The following CACNA2D3 variants were observed in gnomAD, a reference collection of about 807,000 sequenced individuals.
CACNA2D3 encodes the protein calcium voltage-gated channel auxiliary subunit alpha2delta 3, also known as voltage-dependent calcium channel subunit alpha-2/delta-3.
Under a neutral mutation model 160.6 loss-of-function variants are expected in CACNA2D3, and 60 were observed. The ratio of observed to expected loss-of-function variants is 0.37; its 90% CI spans 0.30 to 0.46. The LOEUF is 0.46. Among genes scored for constraint, CACNA2D3 ranks in the 20% least tolerant of loss-of-function variants. The pLI is 1.00. For synonymous variants in CACNA2D3, 558 were observed against 492.9 expected, an observed-to-expected ratio of 1.13 and a Z score of -1.75; for missense variants, 1,205 against 1,365.0, an observed-to-expected ratio of 0.88 and a Z score of 1.85.
chr3:54,950,945 G>T (rs1162677350), intron 27 of CACNA2D3, among the ~76,000 whole-genome samples: 3 of 152,168 alleles, frequency 2.0e-5, no homozygotes, highest in African/African-American at 7.2e-5. Flanking sequence ...AGTGGCAGAG[G>T]GGAAACTGAA....
rs753322215 is a variant in CACNA2D3 at position 54,879,047 on chromosome 3, G to A, written c.1740G>A (p.Thr580=). The A allele has an allele frequency of 2.3e-5, 37 of 1,605,652 alleles. 1 individual carries two copies. In the South Asian group the frequency reaches 2.5e-4, roughly 11 times the overall value. Reference sequence around the variant, plus strand: ...GAAATGCTATGGTGAATCGAAAGACGGGGAAGTTTTCCATGGAGGTGAAGA... The same window carrying A: ...GAAATGCTATGGTGAATCGAAAGACAGGGAAGTTTTCCATGGAGGTGAAGA... ...VLRNAMVNRK[T]GKFSMEVKKT... is the part of the protein sequence containing the mutation. Residue 580 remains threonine, a synonymous_variant, in exon 19 of 38, where the codon ACG becomes ACA. Transcript: ENST00000474759.
chr3:54,521,938 A>C (rs1182616975), intron 5 of CACNA2D3, among the ~76,000 whole-genome samples: 1 of 152,126 alleles, frequency 6.6e-6, no homozygotes, highest in African/African-American at 2.4e-5. Context: ...CCTGATTCTT[A>C]TTATTTTGTA....
chr3:54,376,663 C>G (rs1699017730), intron 3 of CACNA2D3, among the ~76,000 whole-genome samples: 1 of 152,138 alleles, frequency 6.6e-6, no homozygotes, highest in Admixed American at 6.5e-5. Flanking sequence ...TGCGTCAGCC[C>G]TTAGTGTAAT....
chr3:54,448,547 G>C, intron 4 of CACNA2D3, among the ~76,000 whole-genome samples: 1 of 152,178 alleles, frequency 6.6e-6, no homozygotes, highest in East Asian at 1.9e-4. Flanking sequence ...AAACAGAGGT[G>C]GGGTGAGGGA....
intron 2 of CACNA2D3, among the ~76,000 whole-genome samples, chr3:54,157,054 G>C (rs144661343): frequency 7.7e-4 from 118 of 152,336 alleles, no homozygotes; most frequent in African/African-American, 2.7e-3. Context: ...TTCTCTCACA[G>C]TTCTGGAGGC....
intron 11 of CACNA2D3, among the ~76,000 whole-genome samples, chr3:54,725,517 A>G (rs1701259630): frequency 6.6e-6 from 1 of 152,214 alleles, no homozygotes; most frequent in South Asian, 2.1e-4. Context: ...ATCTTCAATA[A>G]AAAACTGGCA....
intron 4 of CACNA2D3, among the ~76,000 whole-genome samples, chr3:54,432,348 C>T (rs903016547): frequency 3.9e-5 from 6 of 152,062 alleles, no homozygotes; most frequent in Admixed American, 6.5e-5. Flanking sequence ...TCAGATCTCT[C>T]GACTCACTGT....
intron 4 of CACNA2D3, among the ~76,000 whole-genome samples, chr3:54,490,235 G>T (rs370264072): frequency 2.0e-5 from 3 of 152,180 alleles, no homozygotes; most frequent in Non-Finnish European, 2.9e-5. Flanking sequence ...TATCCCATTC[G>T]ATCACAGAAA....
chr3:54,677,624 G>T (rs1454507556), intron 11 of CACNA2D3, among the ~76,000 whole-genome samples: 19 of 149,886 alleles, frequency 1.3e-4, no homozygotes, highest in South Asian at 8.4e-4. Context: ...TTTTTTTGGG[G>T]GGGGGGCAAC....
chr3:54,875,024 C>T (rs1175502588), intron 18 of CACNA2D3: 1 of 152,160 alleles, frequency 6.6e-6, no homozygotes, highest in Non-Finnish European at 1.5e-5. Context: ...CTACTACCCT[C>T]TAGGCAACTA....
At chr3:54,194,728 G>A (rs1350556194) in intron 2 of CACNA2D3, among the ~76,000 whole-genome samples, 1 of 152,208 alleles carries the variant, frequency 6.6e-6, no homozygotes, top group Admixed American at 6.5e-5. Context: ...CACTGACTAG[G>A]TGTCCTCACA....
At chr3:54,818,578 A>G (rs1215885436) in intron 14 of CACNA2D3, among the ~76,000 whole-genome samples, 3 of 152,350 alleles carry the variant, frequency 2.0e-5, no homozygotes, top group East Asian at 3.9e-4. Flanking sequence ...ACTTCATTGC[A>G]TTCACTTCTT....
chr3:55,001,180 T>A (rs1702973376), intron 31 of CACNA2D3, among the ~76,000 whole-genome samples: 1 of 152,214 alleles, frequency 6.6e-6, no homozygotes, highest in Non-Finnish European at 1.5e-5. Flanking sequence ...AGTTCCTGCA[T>A]CATCGCTTGG....
chr3:54,295,236 G>A (rs56034762), intron 2 of CACNA2D3, among the ~76,000 whole-genome samples: 33,302 of 151,946 alleles, frequency 0.22, 3,803 homozygotes, highest in South Asian at 0.34. Context: ...GATTCAAGAG[G>A]GTAGACATGA....
chr3:54,292,338 A>T (rs974263223), intron 2 of CACNA2D3, among the ~76,000 whole-genome samples: 1 of 152,224 alleles, frequency 6.6e-6, no homozygotes, highest in Non-Finnish European at 1.5e-5. Flanking sequence ...ATTGGACTTC[A>T]TAGAAATTAA....
At chr3:54,757,845 A>G (rs184538082) in intron 12 of CACNA2D3, among the ~76,000 whole-genome samples, 1 of 152,240 alleles carries the variant, frequency 6.6e-6, no homozygotes, top group East Asian at 1.9e-4. Context: ...ACCAGCCAGC[A>G]GGCGGTAGAG....
chr3:54,723,866 A>T (rs2106994812), intron 11 of CACNA2D3, among the ~76,000 whole-genome samples: 1 of 152,326 alleles, frequency 6.6e-6, no homozygotes, highest in East Asian at 1.9e-4. Flanking sequence ...ATCAACTAAC[A>T]GACAAAACAA....
chr3:54,461,555 T>C (rs975098468), intron 4 of CACNA2D3, among the ~76,000 whole-genome samples: 5 of 151,738 alleles, frequency 3.3e-5, no homozygotes, highest in South Asian at 4.2e-4. Flanking sequence ...TTTTCTAGTT[T>C]ATTTGCATAG....
At chr3:54,139,175 G>A (rs915443308) in intron 2 of CACNA2D3, among the ~76,000 whole-genome samples, 1 of 152,226 alleles carries the variant, frequency 6.6e-6, no homozygotes, top group African/African-American at 2.4e-5. Context: ...TCATTTCCTG[G>A]TGCGTTCCAC....
Sources: allele counts gnomAD v4.1 joint callset (sites outside exome capture counted in the v4.1 genomes callset), GRCh38; gene constraint gnomAD v4.1.1; transcripts MANE v1.5; gene names NCBI Gene and HGNC (gene_info 2026-07-23, HGNC 2026-07-21).